ADGB: variants seen among roughly 807,000 people sequenced by gnomAD.
ADGB encodes the protein calpain-7-like protein.
Under a neutral mutation model 210.5 loss-of-function variants are expected in ADGB, and 172 were observed. The observed-to-expected ratio is 0.82, with a 90% CI of 0.72 to 0.93. The LOEUF (loss-of-function observed/expected upper bound fraction) is 0.93, where lower values mean the gene tolerates loss of function less well. Among genes scored for constraint, ADGB ranks in the 40% least tolerant of loss-of-function variants. The pLI, the probability that ADGB is intolerant of heterozygous loss-of-function variation, is 0.00. For synonymous variants in ADGB, 658 were observed against 662.7 expected, an observed-to-expected ratio of 0.99 and a Z score of 0.11; for missense variants, 2,025 against 1,964.8, an observed-to-expected ratio of 1.03 and a Z score of -0.58.
chr6:146,655,618 AATATT>A (rs1775768377), intron 4 of ADGB, among the ~76,000 whole-genome samples: 1 of 151,968 alleles, frequency 6.6e-6, no homozygotes, highest in South Asian at 2.1e-4. Flanking sequence ...TTAAAATCAA[AATATT>A]ATATTTCTTC....
At chr6:146,747,145 AAC>A (rs770208153) in intron 26 of ADGB, among the ~76,000 whole-genome samples, 103 of 152,308 alleles carry the variant, frequency 6.8e-4, no homozygotes, top group Non-Finnish European at 1.1e-3. Context: ...TATAGGACCT[AAC>A]ACAGTGCCTG....
Position 146,765,154 on chromosome 6 carries a change from A to G in ADGB, c.3750+1054A>G, listed in dbSNP as rs193130362. On this transcript the variant is annotated intron_variant, in intron 28 of 35. Coordinates refer to ENST00000397944, the MANE Select transcript of ADGB (RefSeq NM_024694.4). Reference sequence around the variant, plus strand: ...TATATAAAAATAAAAGGTAGAATAAATCAAGTAGACATGGCCATAACTAAC... The same window carrying G: ...TATATAAAAATAAAAGGTAGAATAAGTCAAGTAGACATGGCCATAACTAAC... Among the ~76,000 whole-genome samples, 329 of 152,252 alleles carry G rather than the reference A, an allele frequency of 2.2e-3. 1 individual carries two copies. The highest frequency in any genetic ancestry group is 7.7e-3 in the South Asian group (37 of 4,832).
At chr6:146,634,100 G>A (rs896399749) in intron 1 of ADGB, among the ~76,000 whole-genome samples, 3 of 152,034 alleles carry the variant, frequency 2.0e-5, no homozygotes, top group African/African-American at 7.2e-5. Flanking sequence ...GTTTAGATGT[G>A]TTTGGATACA....
chr6:146,635,344 C>T (rs1775402538), intron 1 of ADGB, 31 bp from the exon 2 acceptor site: 1 of 1,385,002 alleles, frequency 7.2e-7, no homozygotes, highest in Admixed American at 3.3e-5. Context: ...TTTAATTAAA[C>T]CTAACCCACC....
intron 26 of ADGB, among the ~76,000 whole-genome samples, chr6:146,747,764 T>TA (rs1367943338): frequency 7.8e-6 from 1 of 127,966 alleles, no homozygotes; most frequent in Non-Finnish European, 1.7e-5. Flanking sequence ...CATGTGTATA[T>TA]ACATATATAT....
chr6:146,806,163 C>A (rs1238733680), intron 35 of ADGB, among the ~76,000 whole-genome samples: 1 of 152,082 alleles, frequency 6.6e-6, no homozygotes, highest in Non-Finnish European at 1.5e-5. Context: ...TGTGTAATAA[C>A]CAAATAAATG....
chr6:146,716,973 C>A lies in ADGB; in HGVS notation c.1832C>A (p.Ala611Glu). The A allele has an allele frequency of 6.4e-7, 1 of 1,551,510 alleles. No individual in the cohort carries two copies. Among genetic ancestry groups the A allele is most frequent in the Non-Finnish European group, 8.7e-7 (1 of 1,146,894 alleles). The change falls in exon 15 of 36, where the codon GCA becomes GAA. Residue 611 changes from alanine (A) to glutamate (E), a missense_variant. Physicochemically the swap from Ala to Glu is moderately radical, Grantham distance 107 (BLOSUM62 -1). Transcript: ENST00000397944. Reference protein sequence around the residue: ...LEREIVSQTTATQEKSQEELP... With the variant: ...LEREIVSQTTETQEKSQEELP... ...AGAGAGATAGTCAGCCAGACCACAG[C>A]AACACAGGAAAAGTCACAGGAAGAA...
chr6:146,598,977 C>A lies in ADGB; in HGVS notation c.-64C>A, dbSNP rs1780507152. 4.8e-6 allele frequency: 7 copies of A among 1,444,202 alleles called. No individual in the cohort carries two copies. The East Asian group carries it at 1.5e-4, about 31-fold the overall frequency. 89.5% of individuals were successfully genotyped at this position (1,444,202 alleles called of 1,614,324 possible). On this transcript the variant is annotated 5_prime_UTR_variant, in exon 1 of 36. Coordinates refer to ENST00000397944, the MANE Select transcript of ADGB (RefSeq NM_024694.4). ...ACGCCGTCTCCTGGCAACGCAGACG[C>A]GGAGCCGAGCGCGCCCGCAGGCTCT...
At chr6:146,609,353 G>A (rs576321573) in intron 1 of ADGB, among the ~76,000 whole-genome samples, 1 of 152,196 alleles carries the variant, frequency 6.6e-6, no homozygotes, top group African/African-American at 2.4e-5. Context: ...CTTTTAAGTG[G>A]GGTGTTTAGC....
chr6:146,649,982 T>TAC (rs1461435951), intron 3 of ADGB, among the ~76,000 whole-genome samples: 22 of 152,264 alleles, frequency 1.4e-4, no homozygotes, highest in Non-Finnish European at 3.1e-4. Flanking sequence ...ATTATATATG[T>TAC]ACACACACAC....
chr6:146,665,120 G>T (rs140816879), intron 6 of ADGB, among the ~76,000 whole-genome samples: 1 of 152,184 alleles, frequency 6.6e-6, no homozygotes, highest in East Asian at 1.9e-4. Flanking sequence ...GTTTGTCAAA[G>T]ATTCTCGATA....
At chr6:146,752,822 A>T (rs1326407560) in intron 27 of ADGB, 108 bp downstream of exon 27, 1 of 1,066,486 alleles carries the variant, frequency 9.4e-7, no homozygotes, top group Non-Finnish European at 1.3e-6. Context: ...TTAAATTATG[A>T]AACTTCATAG....
intron 20 of ADGB, among the ~76,000 whole-genome samples, chr6:146,731,085 G>A (rs1927216): frequency 0.5 from 76,629 of 151,886 alleles, 20,380 homozygotes; most frequent in African/African-American, 0.67. Flanking sequence ...TTTTTCGTAG[G>A]GAGTGATTAA....
At chr6:146,803,489 T>A in intron 35 of ADGB, 1 of 1,605,486 alleles carries the variant, frequency 6.2e-7, no homozygotes, top group African/African-American at 1.3e-5. Context: ...TGATGAACTT[T>A]CTTTCTGCGA....
intron 28 of ADGB, among the ~76,000 whole-genome samples, chr6:146,765,159 G>C (rs144970385): frequency 6.6e-6 from 1 of 152,076 alleles, no homozygotes; most frequent in East Asian, 1.9e-4. Context: ...AATAAATCAA[G>C]TAGACATGGC....
intron 7 of ADGB, among the ~76,000 whole-genome samples, chr6:146,667,149 T>A (rs1307877999): frequency 6.6e-6 from 1 of 151,932 alleles, no homozygotes; most frequent in Non-Finnish European, 1.5e-5. Context: ...AGAAGACACA[T>A]TAACAAGAGA....
chr6:146,666,938 T>C, intron 7 of ADGB, 36 bp downstream of exon 7: 1 of 1,430,730 alleles, frequency 7.0e-7, no homozygotes, highest in Admixed American at 2.1e-5. Context: ...TATCTATTTT[T>C]TTTATCTTCC....
intron 13 of ADGB, among the ~76,000 whole-genome samples, chr6:146,711,089 T>C (rs544572503): frequency 6.6e-6 from 1 of 152,326 alleles, no homozygotes; most frequent in East Asian, 1.9e-4. Flanking sequence ...CTATCCCATA[T>C]CTACACTTTC....
At chr6:146,614,993 C>T (rs753272995) in intron 1 of ADGB, among the ~76,000 whole-genome samples, 5 of 152,040 alleles carry the variant, frequency 3.3e-5, no homozygotes, top group East Asian at 3.9e-4. Context: ...CTTCGCCTCC[C>T]GGGTTCACGC....
Sources: allele counts gnomAD v4.1 joint callset (sites outside exome capture counted in the v4.1 genomes callset), GRCh38; gene constraint gnomAD v4.1.1; transcripts MANE v1.5; gene names NCBI Gene and HGNC (gene_info 2026-07-23, HGNC 2026-07-21).